HNF4G: variants seen among roughly 807,000 people sequenced by gnomAD.
The protein encoded by HNF4G is hepatocyte nuclear factor 4 gamma.
Under a neutral mutation model 50.9 loss-of-function variants are expected in HNF4G, and 21 were observed. That is an observed-to-expected ratio of 0.41 (90% confidence interval 0.29 to 0.59). The LOEUF is 0.59. Ranked by LOEUF, HNF4G falls within the 20% of genes least tolerant of loss-of-function variation. The pLI is 0.26. For synonymous variants in HNF4G, 198 were observed against 185.6 expected, an observed-to-expected ratio of 1.07 and a Z score of -0.54; for missense variants, 527 against 559.4, an observed-to-expected ratio of 0.94 and a Z score of 0.58.
chr8:75,424,902 C>T (rs183727056), intron 1 of HNF4G, among the ~76,000 whole-genome samples: 131 of 152,144 alleles, frequency 8.6e-4, no homozygotes, highest in African/African-American at 2.9e-3. Flanking sequence ...CCTTTGAGTA[C>T]ATACCTAGTA....
intron 1 of HNF4G, among the ~76,000 whole-genome samples, chr8:75,416,607 T>C (rs749265522): frequency 9.9e-5 from 15 of 152,144 alleles, no homozygotes; most frequent in Non-Finnish European, 2.2e-4. Flanking sequence ...TTTAATATGC[T>C]CATACACATT....
intron 1 of HNF4G, among the ~76,000 whole-genome samples, chr8:75,440,236 T>A (rs1811245512): frequency 6.6e-6 from 1 of 152,226 alleles, no homozygotes; most frequent in African/African-American, 2.4e-5. Context: ...TTTGCATTCA[T>A]CCAGTTCCTA....
At chr8:75,496,815 T>TATAC (rs1812781404) in intron 2 of HNF4G, among the ~76,000 whole-genome samples, 1 of 151,724 alleles carries the variant, frequency 6.6e-6, no homozygotes, top group African/African-American at 2.4e-5. Context: ...TATATATATA[T>TATAC]ATATATGGCA....
intron 1 of HNF4G, among the ~76,000 whole-genome samples, chr8:75,460,450 T>C (rs1182514984): frequency 6.6e-6 from 1 of 152,190 alleles, no homozygotes; most frequent in East Asian, 1.9e-4. Flanking sequence ...AATTTCATTA[T>C]ACAGACTTCA....
chr8:75,410,316 A>G (rs1810470932), intron 1 of HNF4G, among the ~76,000 whole-genome samples: 1 of 152,208 alleles, frequency 6.6e-6, no homozygotes, highest in Non-Finnish European at 1.5e-5. Context: ...GCTTGCCAAC[A>G]CTATATAATA....
intron 1 of HNF4G, among the ~76,000 whole-genome samples, chr8:75,460,074 T>G (rs1005847337): frequency 4.7e-5 from 3 of 63,266 alleles, no homozygotes; most frequent in African/African-American, 1.9e-4. Flanking sequence ...ACGTACGTTC[T>G]GAAGAAAAAA....
At chr8:75,518,789 C>G (rs1460225558) in intron 2 of HNF4G, among the ~76,000 whole-genome samples, 2 of 152,010 alleles carry the variant, frequency 1.3e-5, no homozygotes, top group Non-Finnish European at 2.9e-5. Flanking sequence ...GGAGGGACTG[C>G]CACGAAGATC....
At chr8:75,414,898 T>C (rs985769214) in intron 1 of HNF4G, among the ~76,000 whole-genome samples, 1 of 152,194 alleles carries the variant, frequency 6.6e-6, no homozygotes, top group Non-Finnish European at 1.5e-5. Flanking sequence ...ATTTGTCTTA[T>C]ATGATTACCT....
At chr8:75,423,335 C>CTTTTTTTTTTTT (rs34511777) in intron 1 of HNF4G, among the ~76,000 whole-genome samples, 285 of 94,596 alleles carry the variant, frequency 3.0e-3, no homozygotes, top group East Asian at 6.4e-3. Context: ...TTTTCTTTAT[C>CTTTTTTTTTTTT]TTTTTTTTTT....
intron 2 of HNF4G, among the ~76,000 whole-genome samples, chr8:75,500,254 A>G (rs1227721578): frequency 2.6e-5 from 4 of 152,184 alleles, no homozygotes; most frequent in Non-Finnish European, 1.5e-5. Context: ...TAAACGAACA[A>G]TAAGCACATG....
At chr8:75,558,717 A>G in intron 7 of HNF4G, 47 bp downstream of exon 7, 1 of 1,584,650 alleles carries the variant, frequency 6.3e-7, no homozygotes, top group Middle Eastern at 1.7e-4. Flanking sequence ...TAAAAATTGA[A>G]CTACTTTTCA....
Position 75,499,138 on chromosome 8 carries a change from T to C in HNF4G, c.-24+8930T>C, listed in dbSNP as rs180793467. ...GTTTTATATAGAAAGCCCCAAGAAA[T>C]CCCTCAGTAGCTATTCAAACTACTA... is the stretch of plus-strand genomic sequence containing the variant. On this transcript the variant is annotated intron_variant, in intron 2 of 10. Coordinates refer to the HNF4G transcript ENST00000354370. Among the ~76,000 whole-genome samples, 6 of 152,176 alleles carry C rather than the reference T, an allele frequency of 3.9e-5. No individual in the cohort carries two copies. The East Asian group carries it at 7.7e-4, about 20-fold the overall frequency.
chr8:75,545,559 C>T (rs73690959), intron 2 of HNF4G, among the ~76,000 whole-genome samples: 8,030 of 152,056 alleles, frequency 0.053, 263 homozygotes, highest in Middle Eastern at 0.072. Context: ...AGTTTAAGGG[C>T]ATGGAGACTT....
chr8:75,447,587 A>G (rs1229673926), intron 1 of HNF4G, among the ~76,000 whole-genome samples: 3 of 151,392 alleles, frequency 2.0e-5, no homozygotes, highest in Non-Finnish European at 4.4e-5. Flanking sequence ...AATTTACAAG[A>G]AAAAAACAAA....
intron 2 of HNF4G, among the ~76,000 whole-genome samples, chr8:75,534,846 A>G (rs953075688): frequency 2.0e-5 from 3 of 151,790 alleles, no homozygotes; most frequent in Non-Finnish European, 3.0e-5. Context: ...TATATATAAA[A>G]CTGTAAGCAA....
intron 2 of HNF4G, among the ~76,000 whole-genome samples, chr8:75,529,997 G>A (rs1806286966): frequency 1.3e-5 from 2 of 152,170 alleles, no homozygotes; most frequent in Non-Finnish European, 2.9e-5. Flanking sequence ...GCAGAACAGA[G>A]TGCGTGTGCA....
chr8:75,441,538 C>A (rs572120341), intron 1 of HNF4G, among the ~76,000 whole-genome samples: 5 of 152,228 alleles, frequency 3.3e-5, no homozygotes, highest in African/African-American at 1.2e-4. Context: ...AGCCACCATG[C>A]CCGGCCTTTA....
At chr8:75,548,013 G>C (rs1806839331) in intron 3 of HNF4G, among the ~76,000 whole-genome samples, 1 of 148,138 alleles carries the variant, frequency 6.8e-6, no homozygotes, top group Non-Finnish European at 1.5e-5. Context: ...TTTTGAGATG[G>C]AGTCTCGCTC....
chr8:75,432,192 T>A (rs1359866020), intron 1 of HNF4G, among the ~76,000 whole-genome samples: 1 of 151,668 alleles, frequency 6.6e-6, no homozygotes, highest in African/African-American at 2.4e-5. Context: ...GTTGAGGCTA[T>A]AGGTTAAACC....
Sources: gnomAD v4.1 joint callset for allele counts (sites outside exome capture counted in the v4.1 genomes callset) on GRCh38, gnomAD v4.1.1 for gene constraint, MANE v1.5 for transcripts, NCBI Gene and HGNC (gene_info 2026-07-23, HGNC 2026-07-21) for gene names.